ST3GAL1: variants seen among roughly 807,000 people sequenced by gnomAD.
ST3GAL1 encodes ST3 beta-galactoside alpha-2,3-sialyltransferase 1.
Under a neutral mutation model 34.1 loss-of-function variants are expected in ST3GAL1, and 16 were observed. The ratio of observed to expected loss-of-function variants is 0.47; its 90% CI spans 0.32 to 0.71. The LOEUF (loss-of-function observed/expected upper bound fraction) is 0.71. Among genes scored for constraint, ST3GAL1 ranks in the 30% least tolerant of loss-of-function variants. ST3GAL1 has a pLI of 0.04. For missense variants in ST3GAL1, 353 were observed against 447.4 expected, an observed-to-expected ratio of 0.79 and a Z score of 1.90; for synonymous variants, 191 against 184.7, an observed-to-expected ratio of 1.03 and a Z score of -0.28.
intron 1 of ST3GAL1, among the ~76,000 whole-genome samples, chr8:133,555,133 C>T (rs1244934351): frequency 2.0e-5 from 3 of 152,276 alleles, no homozygotes; most frequent in South Asian, 4.1e-4. Context: ...GCCACCCCCG[C>T]GGGGGACTGC....
intron 2 of ST3GAL1, among the ~76,000 whole-genome samples, chr8:133,541,120 T>TATATATAGAGAGAGAGAGAG (rs71299078): frequency 4.1e-5 from 2 of 48,644 alleles, no homozygotes; most frequent in Admixed American, 2.2e-4. Context: ...TATATATATA[T>TATATATAGAGAGAGAGAGAG]AGAGAGAGAG....
chr8:133,518,830 G>T (rs1250228348), intron 2 of ST3GAL1, among the ~76,000 whole-genome samples: 1 of 152,198 alleles, frequency 6.6e-6, no homozygotes, highest in African/African-American at 2.4e-5. Flanking sequence ...TGCAAGTAAG[G>T]ATCTGAGGCT....
intron 3 of ST3GAL1, among the ~76,000 whole-genome samples, chr8:133,481,006 C>A (rs1249985153): frequency 6.6e-6 from 1 of 152,140 alleles, no homozygotes; most frequent in Non-Finnish European, 1.5e-5. Context: ...TATCTTTGTG[C>A]AATTTTATTC....
At chr8:133,526,596 T>C (rs757402524) in intron 2 of ST3GAL1, among the ~76,000 whole-genome samples, 1 of 152,064 alleles carries the variant, frequency 6.6e-6, no homozygotes, top group African/African-American at 2.4e-5. Flanking sequence ...AAAGAAAATT[T>C]TGAGACTTTT....
chr8:133,524,989 C>T (rs532226359), intron 2 of ST3GAL1, among the ~76,000 whole-genome samples: 19 of 152,210 alleles, frequency 1.2e-4, no homozygotes, highest in African/African-American at 1.9e-4. Flanking sequence ...TCACCTGCAA[C>T]GTGGTGAATG....
intron 1 of ST3GAL1, among the ~76,000 whole-genome samples, chr8:133,565,225 A>C (rs1819358683): frequency 6.9e-6 from 1 of 144,322 alleles, no homozygotes; most frequent in Non-Finnish European, 1.5e-5. Flanking sequence ...ATCCACCTCC[A>C]CCTTGTCCTG....
At chr8:133,536,302 T>C (rs1174339666) in intron 2 of ST3GAL1, among the ~76,000 whole-genome samples, 1 of 152,160 alleles carries the variant, frequency 6.6e-6, no homozygotes, top group African/African-American at 2.4e-5. Context: ...GTAAGGGTCA[T>C]GGGCATTAAA....
intron 2 of ST3GAL1, among the ~76,000 whole-genome samples, chr8:133,506,276 G>A (rs945904463): frequency 1.3e-5 from 2 of 151,290 alleles, no homozygotes; most frequent in African/African-American, 4.8e-5. Context: ...TCATCTGTAA[G>A]ATGAGAACAA....
intron 2 of ST3GAL1, among the ~76,000 whole-genome samples, chr8:133,515,325 G>A (rs1817611918): frequency 6.6e-6 from 1 of 152,190 alleles, no homozygotes; most frequent in Admixed American, 6.5e-5. Context: ...ATATAGTCTG[G>A]ATATTTGTCC....
At chr8:133,536,058 T>C (rs1036511648) in intron 2 of ST3GAL1, among the ~76,000 whole-genome samples, 1 of 152,162 alleles carries the variant, frequency 6.6e-6, no homozygotes, top group Non-Finnish European at 1.5e-5. Context: ...ATTTTGCAGA[T>C]GAGGAAACTG....
chr8:133,543,371 T>C (rs933179850), intron 2 of ST3GAL1, among the ~76,000 whole-genome samples: 4 of 152,194 alleles, frequency 2.6e-5, no homozygotes, highest in Non-Finnish European at 2.9e-5. Flanking sequence ...GAAATCTGAA[T>C]GAGAAATCAG....
intron 3 of ST3GAL1, among the ~76,000 whole-genome samples, chr8:133,491,554 GC>G (rs34862982): frequency 0.27 from 41,270 of 152,114 alleles, 6,205 homozygotes; most frequent in Non-Finnish European, 0.35. Context: ...GCTTAAAGAG[GC>G]CCCTTTCTCC....
At chr8:133,567,349 T>A (rs1819431829) in intron 1 of ST3GAL1, 1 of 152,216 alleles carries the variant, frequency 6.6e-6, no homozygotes, top group Admixed American at 6.5e-5. Flanking sequence ...CCAGTAAATG[T>A]TGGCTCAACT....
At position 133,469,245 on chromosome 8, in the gene ST3GAL1, G is replaced by A. The variant is rs1815858607; in HGVS notation, c.307-3155C>T. 1.3e-5 allele frequency among the ~76,000 whole-genome samples: 2 copies of A among 152,066 alleles called. No individual in the cohort carries two copies. On this transcript the variant is annotated intron_variant, in intron 5 of 9. Transcript: ENST00000522652. The surrounding 1 kb of genome is among the most constrained non-coding windows in gnomAD (Gnocchi z 4.3). ...TTGATTTGATTTGATTTGATATGGAGTCTCACTCTATCGCCCAGGCTGGAA... is the reference window on the plus strand; with the variant it reads ...TTGATTTGATTTGATTTGATATGGAATCTCACTCTATCGCCCAGGCTGGAA...
intron 3 of ST3GAL1, among the ~76,000 whole-genome samples, chr8:133,487,415 G>A (rs565130681): frequency 2.6e-5 from 4 of 152,166 alleles, no homozygotes; most frequent in African/African-American, 7.2e-5. Flanking sequence ...GAGAAATTCA[G>A]AACTGCATAT....
intron 2 of ST3GAL1, among the ~76,000 whole-genome samples, chr8:133,512,181 CA>C (rs1817516176): frequency 6.6e-6 from 1 of 152,206 alleles, no homozygotes; most frequent in South Asian, 2.1e-4. Context: ...CCCAGAACTT[CA>C]AAAGGATGGA....
chr8:133,557,724 T>G (rs1045259957), intron 1 of ST3GAL1, among the ~76,000 whole-genome samples: 5 of 152,152 alleles, frequency 3.3e-5, no homozygotes, highest in African/African-American at 4.8e-5. Context: ...GGCGCGTGCC[T>G]GTAATCCCAG....
chr8:133,527,364 G>A (rs934003306), intron 2 of ST3GAL1, among the ~76,000 whole-genome samples: 1 of 152,106 alleles, frequency 6.6e-6, no homozygotes, highest in African/African-American at 2.4e-5. Context: ...GTCGGCATCG[G>A]GAGTAAAGGG....
chr8:133,543,752 CATA>C (rs1296133952), intron 2 of ST3GAL1, among the ~76,000 whole-genome samples: 5 of 152,014 alleles, frequency 3.3e-5, no homozygotes, highest in Admixed American at 2.6e-4. Context: ...GCACCTGGCA[CATA>C]ATAAGCTGGG....
Sources: gnomAD v4.1 joint callset for allele counts (sites outside exome capture counted in the v4.1 genomes callset) on GRCh38, gnomAD v4.1.1 for gene constraint, Gnocchi (gnomAD v3.1) non-coding constraint, MANE v1.5 for transcripts, NCBI Gene and HGNC (gene_info 2026-07-23, HGNC 2026-07-21) for gene names.